ULK4: variants seen among roughly 807,000 people sequenced by gnomAD.
ULK4 encodes the protein inactive serine/threonine-protein kinase ULK4.
ULK4 carries 133 observed loss-of-function variants against 160.6 expected under a neutral mutation model. The ratio of observed to expected loss-of-function variants is 0.83; its 90% CI spans 0.72 to 0.96. The LOEUF is 0.96. ULK4 is among the 40% of genes least tolerant of loss of function. The probability of loss-of-function intolerance (pLI) is 0.00; values close to 1 mark genes in which losing one functional copy is unlikely to be tolerated. For synonymous variants in ULK4, 534 were observed against 539.8 expected, an observed-to-expected ratio of 0.99 and a Z score of 0.15; for missense variants, 1,580 against 1,499.5, an observed-to-expected ratio of 1.05 and a Z score of -0.89.
At chr3:41,496,758 C>G (rs376598389) in intron 32 of ULK4, among the ~76,000 whole-genome samples, 1 of 151,926 alleles carries the variant, frequency 6.6e-6, no homozygotes, top group African/African-American at 2.4e-5. Context: ...CAAGGAGTTC[C>G]GACAATCCAG....
rs137943492 is a variant in ULK4, at chr3:41,715,939, C to T, written c.2456-371G>A. On this transcript the variant is annotated intron_variant, in intron 23 of 36. Transcript: ENST00000301831. ...TATTTAAAATAATAAATGGGCCAGG[C>T]GCAGTGGCTCATGCCTGTAATCCTA... is the stretch of plus-strand genomic sequence containing the variant. Among the ~76,000 whole-genome samples, 371 of 151,540 alleles carry T rather than the reference C, an allele frequency of 2.4e-3. 4 individuals carry two copies. Among genetic ancestry groups the T allele is most frequent in the South Asian group, 3.1e-3 (15 of 4,806 alleles).
At chr3:41,654,098 A>G (rs950732022) in intron 30 of ULK4, among the ~76,000 whole-genome samples, 8 of 152,258 alleles carry the variant, frequency 5.3e-5, no homozygotes, top group South Asian at 2.1e-4. Context: ...CTGTGTTGAA[A>G]TAACTATCCT....
At chr3:41,478,167 T>C (rs2084203309) in intron 32 of ULK4, among the ~76,000 whole-genome samples, 1 of 152,186 alleles carries the variant, frequency 6.6e-6, no homozygotes, top group Non-Finnish European at 1.5e-5. Flanking sequence ...TAACCTTCTC[T>C]AGTCAGGGGA....
At position 41,363,743 on chromosome 3, in the gene ULK4, T is replaced by C. The variant is rs79376221; in HGVS notation, c.3678+34336A>G. On this transcript the variant is annotated intron_variant, in intron 35 of 36. Transcript: ENST00000301831. Reference sequence around the variant, plus strand: ...ATATCTGTGGGCATGGGCATGCATATATGCATTTGTCTTTTCTTGATGGCT... The same window carrying C: ...ATATCTGTGGGCATGGGCATGCATACATGCATTTGTCTTTTCTTGATGGCT... Among the ~76,000 whole-genome samples, 352 of 152,328 alleles carry C rather than the reference T, an allele frequency of 2.3e-3. 1 individual carries two copies. Among genetic ancestry groups the C allele is most frequent in the East Asian group, 0.014 (71 of 5,186 alleles).
At chr3:41,838,304 T>C (rs189958259) in intron 17 of ULK4, among the ~76,000 whole-genome samples, 367 of 152,300 alleles carry the variant, frequency 2.4e-3, no homozygotes, top group African/African-American at 7.9e-3. Context: ...TGTAAAAATG[T>C]CTGATTGGGT....
chr3:41,731,336 T>C (rs934605609), intron 22 of ULK4, among the ~76,000 whole-genome samples: 1 of 152,088 alleles, frequency 6.6e-6, no homozygotes, highest in African/African-American at 2.4e-5. Context: ...AGCATTTCTA[T>C]ATATCAATAG....
chr3:41,904,130 T>C (rs1459445261), intron 12 of ULK4, among the ~76,000 whole-genome samples: 1 of 152,158 alleles, frequency 6.6e-6, no homozygotes, highest in Non-Finnish European at 1.5e-5. Flanking sequence ...AAAAGTATCA[T>C]TTAAAAATTA....
chr3:41,808,353 A>G (rs1169645549), intron 19 of ULK4, among the ~76,000 whole-genome samples: 2 of 152,172 alleles, frequency 1.3e-5, no homozygotes, highest in South Asian at 2.1e-4. Context: ...GAAAACCACA[A>G]CTATTTTAGC....
At chr3:41,851,303 T>C (rs2125673716) in intron 17 of ULK4, among the ~76,000 whole-genome samples, 1 of 152,216 alleles carries the variant, frequency 6.6e-6, no homozygotes, top group South Asian at 2.1e-4. Flanking sequence ...TTGAATTTTG[T>C]CAAAGGCCTT....
chr3:41,559,611 T>C (rs1176730950), intron 32 of ULK4, among the ~76,000 whole-genome samples: 1 of 152,118 alleles, frequency 6.6e-6, no homozygotes, highest in Non-Finnish European at 1.5e-5. Flanking sequence ...TTGATTTGCA[T>C]TTCTCTGATG....
At chr3:41,306,565 G>A (rs2079942442) in intron 35 of ULK4, among the ~76,000 whole-genome samples, 1 of 150,952 alleles carries the variant, frequency 6.6e-6, no homozygotes, top group Non-Finnish European at 1.5e-5. Context: ...CCGTCCGGGA[G>A]GTGAGGGGCA....
intron 32 of ULK4, among the ~76,000 whole-genome samples, chr3:41,546,542 C>T (rs868686914): frequency 6.6e-6 from 1 of 152,162 alleles, no homozygotes; most frequent in Middle Eastern, 3.4e-3. Context: ...TCTGTGAGGC[C>T]TAACGTAATC....
chr3:41,476,715 T>C lies in ULK4; in HGVS notation c.3227-13462A>G, dbSNP rs570618109. Among the ~76,000 whole-genome samples, 16 of 152,324 alleles carry C rather than the reference T, an allele frequency of 1.1e-4. No homozygotes were observed. The East Asian group carries it at 2.3e-3, about 22-fold the overall frequency. ...TTAGATCAGCTCTGCTTTGGACTACTGGGCAAATGCATAGCCCTTTTTTTA... is the reference window on the plus strand; with the variant it reads ...TTAGATCAGCTCTGCTTTGGACTACCGGGCAAATGCATAGCCCTTTTTTTA... On this transcript the variant is annotated intron_variant, in intron 32 of 36. Transcript: ENST00000301831.
intron 34 of ULK4, among the ~76,000 whole-genome samples, chr3:41,439,496 C>G (rs768452859): frequency 2.4e-4 from 36 of 152,102 alleles, no homozygotes; most frequent in Non-Finnish European, 4.3e-4. Flanking sequence ...CTAAAAATGA[C>G]TTATTTTTAA....
chr3:41,895,196 G>C (rs1055002393), intron 16 of ULK4, among the ~76,000 whole-genome samples: 2 of 152,136 alleles, frequency 1.3e-5, no homozygotes, highest in African/African-American at 4.8e-5. Flanking sequence ...AATCACTTGA[G>C]CCCAGGAGTT....
At position 41,953,910 on chromosome 3, in the gene ULK4, G is replaced by A. The variant is rs187357503; in HGVS notation, c.138+712C>T. On this transcript the variant is annotated intron_variant, in intron 2 of 36. Coordinates refer to ENST00000301831, the MANE Select transcript of ULK4 (RefSeq NM_017886.4). ...GAAAAATACAAAAAATTGGCCGGGC[G>A]CGGTGGCTCACACCTGTAATCCCAG... Among the ~76,000 whole-genome samples the A allele has an allele frequency of 2.5e-3, 374 of 152,116 alleles. 2 individuals are homozygous for A. Among genetic ancestry groups the A allele is most frequent in the African/African-American group, 8.2e-3 (340 of 41,502 alleles).
chr3:41,861,601 G>A (rs1575844693), intron 17 of ULK4, among the ~76,000 whole-genome samples: 1 of 152,024 alleles, frequency 6.6e-6, no homozygotes, highest in Non-Finnish European at 1.5e-5. Context: ...TTAGGAGTTT[G>A]ATTATTAAAT....
At chr3:41,639,847 A>G (rs548328343) in intron 30 of ULK4, among the ~76,000 whole-genome samples, 112 of 152,356 alleles carry the variant, frequency 7.4e-4, no homozygotes, top group African/African-American at 2.4e-3. Flanking sequence ...TGTTAATCTG[A>G]TATTTTTTCA....
In ULK4 at chr3:41,650,734, G is replaced by C. The variant is rs60686425; in HGVS notation, c.3071+12873C>G. On this transcript the variant is annotated intron_variant, in intron 30 of 36. Transcript: ENST00000301831. ...CCCAGCAGGCCAGAGCAAAACTCAG[G>C]CGAAGGCGCCAGCAGCCACAGAGGT... Among the ~76,000 whole-genome samples, 562 of 152,318 alleles carry C rather than the reference G, an allele frequency of 3.7e-3. 4 individuals are homozygous for C. In the East Asian group the frequency reaches 0.044, roughly 12 times the overall value.
Sources: gnomAD v4.1 joint callset for allele counts (sites outside exome capture counted in the v4.1 genomes callset) on GRCh38, gnomAD v4.1.1 for gene constraint, MANE v1.5 for transcripts, NCBI Gene and HGNC (gene_info 2026-07-23, HGNC 2026-07-21) for gene names.